The following PCDHGA12 variants were observed in gnomAD, a reference collection of about 807,000 sequenced individuals.
PCDHGA12 encodes protocadherin gamma-A12.
In PCDHGA12, 43 loss-of-function variants were observed where a neutral mutation model predicts 61.1. The ratio of observed to expected loss-of-function variants is 0.70; its 90% CI spans 0.55 to 0.91. PCDHGA12 has a LOEUF of 0.91. PCDHGA12 is among the 40% of genes least tolerant of loss of function. The pLI is 0.00. For missense variants in PCDHGA12, 1,236 were observed against 1,227.7 expected, an observed-to-expected ratio of 1.01 and a Z score of -0.10; for synonymous variants, 520 against 542.9, an observed-to-expected ratio of 0.96 and a Z score of 0.59.
At chr5:141,441,368 G>A (rs1215599443) in intron 1 of PCDHGA12, 2 of 152,598 alleles carry the variant, frequency 1.3e-5, no homozygotes, top group African/African-American at 2.4e-5. Flanking sequence ...TGGGGCCGTG[G>A]ACCAGGAACA....
intron 1 of PCDHGA12, among the ~76,000 whole-genome samples, chr5:141,465,094 G>GT (rs138941665): frequency 0.11 from 15,577 of 148,094 alleles, 909 homozygotes; most frequent in African/African-American, 0.15. Flanking sequence ...TTTTCTAGTA[G>GT]TTTTTTTTTT....
intron 1 of PCDHGA12, among the ~76,000 whole-genome samples, chr5:141,467,486 T>A (rs985186472): frequency 6.6e-6 from 1 of 152,242 alleles, no homozygotes; most frequent in Non-Finnish European, 1.5e-5. Flanking sequence ...GGTTTCCACA[T>A]TTAGATCCCT....
rs58019021 is a variant in PCDHGA12, at chr5:141,500,184, T to TTTTATTTATTTA, written c.2484-5178_2484-5167dup. Among the ~76,000 whole-genome samples, 232 of 135,962 alleles carry TTTTATTTATTTA rather than the reference T, an allele frequency of 1.7e-3. 1 individual carries two copies. The highest frequency in any genetic ancestry group is 6.4e-3 in the South Asian group (27 of 4,202). The allele number at this position is 135,962 out of a possible 152,430, so 89.2% of individuals were successfully genotyped here. A position where few individuals can be genotyped will look rare whatever the true frequency, so the allele number is the denominator to read the frequency against. The stretch of plus-strand genomic sequence containing the variant: ...GAACATGCATGAGCTTCATTTTTAT[T>TTTTATTTATTTA]TTTATTTATTTATTTATTTATTTAT... On this transcript the variant is annotated intron_variant, in intron 2 of 3. Transcript: ENST00000252085.
In PCDHGA12 at chr5:141,511,307, G is replaced by A. The variant is rs919320754; in HGVS notation, c.*134G>A. On this transcript the variant is annotated 3_prime_UTR_variant, in exon 4 of 4. Coordinates refer to ENST00000252085, the MANE Select transcript of PCDHGA12 (RefSeq NM_003735.3). ...TAGGGGCCAAGGCCATGCTCCCCTT[G>A]GGAAACAGAAACAAGTGCCCAGTCA... 8 of 1,488,416 alleles carry A rather than the reference G, an allele frequency of 5.4e-6. No individual in the cohort carries two copies. Among genetic ancestry groups the A allele is most frequent in the Non-Finnish European group, 5.4e-6 (6 of 1,115,202 alleles). The allele number at this position is 1,488,416 out of a possible 1,614,324, so 92.2% of individuals were successfully genotyped here. A position where few individuals can be genotyped will look rare whatever the true frequency, so the allele number is the denominator to read the frequency against.
chr5:141,489,088 G>GCCAA lies in PCDHGA12; in HGVS notation c.2425-5719_2425-5718insCCAA. The GCCAA allele has an allele frequency of 2.9e-6, 1 of 347,240 alleles. No individual in the cohort carries two copies. Among genetic ancestry groups the GCCAA allele is most frequent in the Non-Finnish European group, 5.0e-6 (1 of 200,708 alleles). The allele number at this position is 347,240 out of a possible 1,614,324, so 21.5% of individuals were successfully genotyped here. A position where few individuals can be genotyped will look rare whatever the true frequency, so the allele number is the denominator to read the frequency against. ...CCCCTGCCCACCCCCGCCACTCGGT[G>GCCAA]ACTAAGAACTGCTGCAAGCAGGCAA... On this transcript the variant is annotated intron_variant, in intron 1 of 3. Transcript: ENST00000252085. This position sits in a 1 kb window ranked among gnomAD's most constrained non-coding sequence, Gnocchi z 4.5.
Position 141,476,698 on chromosome 5 carries a change from G to T in PCDHGA12, c.2425-18109G>T. The T allele has an allele frequency of 4.3e-6, 7 of 1,614,056 alleles. No homozygotes were observed. Among genetic ancestry groups the T allele is most frequent in the Non-Finnish European group, 5.9e-6 (7 of 1,179,986 alleles). ...CGCGGGAGGACAGCACCAAGTACGC[G>T]GAGCTGGTGTTGGAGCGCGCCCTGG... On this transcript the variant is annotated intron_variant, in intron 1 of 3. Coordinates refer to ENST00000252085, the MANE Select transcript of PCDHGA12 (RefSeq NM_003735.3). The surrounding 1 kb of genome is among the most constrained non-coding windows in gnomAD (Gnocchi z 7.6).
intron 1 of PCDHGA12, among the ~76,000 whole-genome samples, chr5:141,445,531 C>A (rs1476079791): frequency 6.6e-6 from 1 of 152,136 alleles, no homozygotes; most frequent in Non-Finnish European, 1.5e-5. Flanking sequence ...TGATAAAAGC[C>A]AACAAGGAGA....
chr5:141,441,823 C>A (rs538052540), intron 1 of PCDHGA12: 6 of 357,336 alleles, frequency 1.7e-5, no homozygotes, highest in South Asian at 7.1e-5. Flanking sequence ...AGCTCTGGAG[C>A]GCAATGGCTT....
chr5:141,511,055 A>ATG lies in PCDHGA12; in HGVS notation c.2683_2684dup (p.Tyr896SerfsTer10). 1 of 1,614,218 alleles carries ATG rather than the reference A, an allele frequency of 6.2e-7. No individual in the cohort carries two copies. The highest frequency in any genetic ancestry group is 8.5e-7 in the Non-Finnish European group (1 of 1,180,026). On this transcript the variant is annotated frameshift_variant, in exon 4 of 4. Coordinates refer to ENST00000252085, the MANE Select transcript of PCDHGA12 (RefSeq NM_003735.3). LOFTEE classifies it high-confidence loss of function. Reference sequence around the variant, plus strand: ...CAGCACGTGCCCGACTACCGCCAGAATGTCTACATCCCAGGCAGCAATGCC... The same window carrying ATG: ...CAGCACGTGCCCGACTACCGCCAGAATGTGTCTACATCCCAGGCAGCAATGCC...
rs1349935659 is a variant in PCDHGA12 at position 141,507,722 on chromosome 5, A to C, written c.2572+2241A>C. 6.6e-5 allele frequency among the ~76,000 whole-genome samples: 10 copies of C among 152,354 alleles called. No homozygotes were observed. In the East Asian group the frequency reaches 1.9e-3, roughly 29 times the overall value. ...ATTTATGGCCCCAAACCCTCCAAGC[A>C]AGTCATGCAGCTCGTTCCCCTGTCA... On this transcript the variant is annotated intron_variant, in intron 3 of 3. Coordinates refer to ENST00000252085, the MANE Select transcript of PCDHGA12 (RefSeq NM_003735.3).
intron 2 of PCDHGA12, among the ~76,000 whole-genome samples, chr5:141,501,092 C>A: frequency 6.6e-6 from 1 of 152,118 alleles, no homozygotes; most frequent in East Asian, 1.9e-4. Flanking sequence ...TGGTCTCAAT[C>A]TCTTGACCTC....
intron 1 of PCDHGA12, among the ~76,000 whole-genome samples, chr5:141,471,046 CT>C (rs1170588345): frequency 0.24 from 27,253 of 113,216 alleles, 2,739 homozygotes; most frequent in African/African-American, 0.39. Context: ...CCCAAGCCCT[CT>C]TTTTTTTTTT....
intron 1 of PCDHGA12, among the ~76,000 whole-genome samples, chr5:141,458,513 G>GTT (rs537551567): frequency 7.5e-5 from 11 of 146,196 alleles, no homozygotes; most frequent in African/African-American, 2.2e-4. Flanking sequence ...TTGACACTTT[G>GTT]TTTTTTTTTT....
intron 1 of PCDHGA12, among the ~76,000 whole-genome samples, chr5:141,437,526 G>A (rs1199002765): frequency 1.3e-5 from 2 of 152,160 alleles, no homozygotes; most frequent in East Asian, 3.8e-4. Context: ...GATGACAAAT[G>A]AGCAAATTGT....
At chr5:141,448,710 G>T (rs897054829) in intron 1 of PCDHGA12, among the ~76,000 whole-genome samples, 1 of 152,162 alleles carries the variant, frequency 6.6e-6, no homozygotes, top group Non-Finnish European at 1.5e-5. Flanking sequence ...GGAGGCCGAG[G>T]CGGGAGGATC....
chr5:141,511,230 C>A lies in PCDHGA12; in HGVS notation c.*57C>A. On this transcript the variant is annotated 3_prime_UTR_variant, in exon 4 of 4. Transcript: ENST00000252085. ...CCTCTCCCCAACCAGCCCAGCTTCT[C>A]CTTACCTGCACCCAGGCCTCAGAGT... 6.3e-7 allele frequency: 1 copy of A among 1,597,914 alleles called. No homozygotes were observed. The highest frequency in any genetic ancestry group is 1.1e-5 in the South Asian group (1 of 89,144).
rs141959335 is a variant in PCDHGA12, at chr5:141,491,261, T to C, written c.2425-3546T>C. On this transcript the variant is annotated intron_variant, in intron 1 of 3. Transcript: ENST00000252085. This position sits in a 1 kb window ranked among gnomAD's most constrained non-coding sequence, Gnocchi z 6.9. Reference sequence around the variant, plus strand: ...CTGGAGGATGAGGACCCTGAGGAAATGCCCAAATCCAGTGACTTCCTCATA... The same window carrying C: ...CTGGAGGATGAGGACCCTGAGGAAACGCCCAAATCCAGTGACTTCCTCATA... 104 of 1,614,044 alleles carry C rather than the reference T, an allele frequency of 6.4e-5. No individual in the cohort carries two copies. Among genetic ancestry groups the C allele is most frequent in the Non-Finnish European group, 8.1e-5 (95 of 1,180,028 alleles).
At chr5:141,448,215 C>T (rs927573458) in intron 1 of PCDHGA12, among the ~76,000 whole-genome samples, 5 of 152,046 alleles carry the variant, frequency 3.3e-5, no homozygotes, top group African/African-American at 9.7e-5. Flanking sequence ...TGTGTGTATG[C>T]GAATGTATGT....
At position 141,486,426 on chromosome 5, in the gene PCDHGA12, A is replaced by T; in HGVS notation, c.2425-8381A>T. 6.2e-7 allele frequency: 1 copy of T among 1,614,190 alleles called. No homozygotes were observed. The highest frequency in any genetic ancestry group is 8.5e-7 in the Non-Finnish European group (1 of 1,180,026). ...GCTGGACCCTTGGATCGAGAGGCCA[A>T]ATCTAGCTATGACATCATGGTCACT... On this transcript the variant is annotated intron_variant, in intron 1 of 3. Coordinates refer to ENST00000252085, the MANE Select transcript of PCDHGA12 (RefSeq NM_003735.3). This position sits in a 1 kb window ranked among gnomAD's most constrained non-coding sequence, Gnocchi z 5.0.
Sources: allele counts gnomAD v4.1 joint callset (sites outside exome capture counted in the v4.1 genomes callset), GRCh38; gene constraint gnomAD v4.1.1; non-coding constraint Gnocchi (gnomAD v3.1); transcripts MANE v1.5; gene names NCBI Gene and HGNC (gene_info 2026-07-23, HGNC 2026-07-21).